Variants in EFCAB12 observed in about 807,000 individuals in gnomAD.
The protein encoded by EFCAB12 is EF-hand calcium-binding domain-containing protein 12.
EFCAB12 carries 43 observed loss-of-function variants against 53.6 expected under a neutral mutation model. That is an observed-to-expected ratio of 0.80 (90% CI 0.63 to 1.03). EFCAB12 has a LOEUF of 1.03. Among genes scored for constraint, EFCAB12 ranks in the 50% least tolerant of loss-of-function variants. EFCAB12 has a pLI of 0.00. For synonymous variants in EFCAB12, 269 were observed against 289.2 expected (o/e 0.93, Z 0.71); for missense variants, 646 against 730.6 (o/e 0.88, Z 1.34).
At chr3:129,415,124 A>T in intron 4 of EFCAB12, 121 bp downstream of exon 4, 1 of 1,283,212 alleles carries the variant, frequency 7.8e-7, no homozygotes, top group South Asian at 1.8e-5. Flanking sequence ...GCCAAACCAC[A>T]GTCGGCCAAA....
chr3:129,401,982 C>T, intron 8 of EFCAB12, 131 bp from the exon 9 acceptor site: 1 of 1,284,700 alleles, frequency 7.8e-7, no homozygotes, highest in Non-Finnish European at 1.1e-6. Context: ...CACCTCAGTC[C>T]TCCCCACAGT....
chr3:129,422,001 G>A (rs1007913982), intron 1 of EFCAB12, among the ~76,000 whole-genome samples, 198 bp from the exon 2 acceptor site: 1 of 152,190 alleles, frequency 6.6e-6, no homozygotes, highest in African/African-American at 2.4e-5. Flanking sequence ...AGCAAGCTAA[G>A]GGCTCTATAT....
chr3:129,414,202 G>T (rs2072082696), intron 4 of EFCAB12: 1 of 152,234 alleles, frequency 6.6e-6, no homozygotes, highest in African/African-American at 2.4e-5. Flanking sequence ...TCTCTGCAGG[G>T]CAGCTGGTTG....
intron 1 of EFCAB12, among the ~76,000 whole-genome samples, chr3:129,427,803 T>G (rs66657810): frequency 0.13 from 20,023 of 152,200 alleles, 1,670 homozygotes; most frequent in South Asian, 0.24. Flanking sequence ...TGGCTTGCAG[T>G]ATCTTTTATG....
chr3:129,418,629 T>G, intron 2 of EFCAB12, 181 bp from the exon 3 acceptor site: 1 of 467,902 alleles, frequency 2.1e-6, no homozygotes, highest in Non-Finnish European at 3.6e-6. Flanking sequence ...GAGACTTTGC[T>G]TCTCTGAGCC....
In EFCAB12 at chr3:129,401,678, T is replaced by A. The variant is rs1391099866; in HGVS notation, c.1634A>T (p.His545Leu). 1.3e-6 allele frequency: 2 copies of A among 1,589,250 alleles called. No individual in the cohort carries two copies. Among genetic ancestry groups the A allele is most frequent in the Non-Finnish European group, 1.7e-6 (2 of 1,167,812 alleles). ...CCTAAGGGGCCACCAGTGGTCAGGG[T>A]GGTAGGTGGCTGGGTAGACATGGGG... ...HQPHVYPATY[H>L]PDHWWPLRNK... is the part of the protein sequence containing the mutation. The change falls in exon 9 of 9, where the codon CAC (histidine) becomes CTC (leucine). Residue 545 changes from histidine to leucine, a missense_variant. Physicochemically the swap from His to Leu is moderately conservative, Grantham distance 99. Transcript: ENST00000505956.
Position 129,428,530 on chromosome 3 carries a change from T to A in EFCAB12, c.-42A>T, listed in dbSNP as rs2072298397. On this transcript the variant is annotated 5_prime_UTR_variant, in exon 1 of 9. Transcript: ENST00000505956. ...GGGGGTGCTGAAGGGCGTGTGTGAA[T>A]GTGTGTCGATGTGGGCTTGCTTGCG... The A allele has an allele frequency of 1.9e-6, 3 of 1,599,464 alleles. No individual in the cohort carries two copies. In the Admixed American group the frequency reaches 5.2e-5, roughly 28 times the overall value.
chr3:129,416,925 A>AT (rs1327994659), intron 3 of EFCAB12, among the ~76,000 whole-genome samples: 3 of 152,098 alleles, frequency 2.0e-5, no homozygotes, highest in Non-Finnish European at 4.4e-5. Context: ...GTGTTGGGGG[A>AT]TTACAGGCAT....
At chr3:129,408,562 T>A in intron 6 of EFCAB12, 83 bp downstream of exon 6, 1 of 1,418,696 alleles carries the variant, frequency 7.0e-7, no homozygotes, top group South Asian at 1.3e-5. Context: ...AATGGCTGCA[T>A]GGGTGCCCTG....
chr3:129,417,672 A>G (rs1309266890), intron 3 of EFCAB12, among the ~76,000 whole-genome samples: 1 of 152,198 alleles, frequency 6.6e-6, no homozygotes, highest in Non-Finnish European at 1.5e-5. Flanking sequence ...GTGACTACTG[A>G]GCACTCAAAA....
Position 129,411,410 on chromosome 3 carries a change from G to A in EFCAB12, c.839-56C>T, listed in dbSNP as rs576078249. On this transcript the variant is annotated intron_variant, in intron 4 of 8. Coordinates refer to ENST00000505956, the MANE Select transcript of EFCAB12 (RefSeq NM_207307.3). The stretch of plus-strand genomic sequence containing the variant: ...AGGGACTAAGAGGGTGCCCAGCCAC[G>A]GAACCTGCCAAGCAGTTATCCAGTG... 6.4e-5 allele frequency: 96 copies of A among 1,502,596 alleles called. 1 individual carries two copies. The South Asian group carries it at 1.1e-3, about 18-fold the overall frequency. 93.1% of individuals were successfully genotyped at this position (1,502,596 alleles called of 1,614,324 possible). A position where few individuals can be genotyped will look rare whatever the true frequency, so the allele number is the denominator to read the frequency against.
intron 5 of EFCAB12, among the ~76,000 whole-genome samples, chr3:129,410,705 T>A (rs1251758229): frequency 6.6e-6 from 1 of 152,344 alleles, no homozygotes; most frequent in South Asian, 2.1e-4. Flanking sequence ...GGGCAGGGAC[T>A]GTTATGCTTA....
At chr3:129,411,585 T>C (rs77162724) in intron 4 of EFCAB12, 20,888 of 412,996 alleles carry the variant, frequency 0.051, 2,534 homozygotes, top group East Asian at 0.39. Flanking sequence ...AGCCCTCTGG[T>C]TGCCATTCTC....
intron 2 of EFCAB12, 82 bp from the exon 3 acceptor site, chr3:129,418,530 T>G: frequency 7.7e-7 from 1 of 1,306,798 alleles, no homozygotes; most frequent in African/African-American, 1.5e-5. Context: ...AGTTAGGGAC[T>G]AAGGAGAGGA....
intron 5 of EFCAB12, among the ~76,000 whole-genome samples, chr3:129,409,316 G>A (rs1015957035): frequency 1.3e-5 from 2 of 152,102 alleles, no homozygotes; most frequent in Admixed American, 6.5e-5. Flanking sequence ...GGTGGCGCGC[G>A]CCTGTAGTCC....
At chr3:129,419,898 C>T (rs1035043989) in intron 2 of EFCAB12, among the ~76,000 whole-genome samples, 4 of 152,132 alleles carry the variant, frequency 2.6e-5, no homozygotes, top group Non-Finnish European at 4.4e-5. Context: ...AAGCCCAGGC[C>T]GTAGGAAGAC....
chr3:129,402,684 C>T, intron 7 of EFCAB12, 105 bp from the exon 8 acceptor site: 1 of 1,081,788 alleles, frequency 9.2e-7, no homozygotes, highest in Non-Finnish European at 1.3e-6. Flanking sequence ...TTCTAAGTCT[C>T]AAACGAGAGC....
intron 6 of EFCAB12, among the ~76,000 whole-genome samples, chr3:129,405,581 T>C (rs2071938475): frequency 6.6e-6 from 1 of 152,202 alleles, no homozygotes; most frequent in African/African-American, 2.4e-5. Flanking sequence ...AAAATTCAAA[T>C]GAGCAAGTAT....
chr3:129,415,974 C>A (rs191344141), intron 3 of EFCAB12, among the ~76,000 whole-genome samples: 5 of 152,286 alleles, frequency 3.3e-5, no homozygotes, highest in Admixed American at 2.6e-4. Flanking sequence ...TTTCTTTAGA[C>A]AATAGTCATT....
Sources: allele counts gnomAD v4.1 joint callset (sites outside exome capture counted in the v4.1 genomes callset), GRCh38; gene constraint gnomAD v4.1.1; transcripts MANE v1.5; gene names NCBI Gene and HGNC (gene_info 2026-07-23, HGNC 2026-07-21).